Variants in NAALADL2 observed in about 807,000 individuals in gnomAD.
NAALADL2 encodes the protein inactive N-acetylated-alpha-linked acidic dipeptidase-like protein 2.
A neutral mutation model predicts 87.2 loss-of-function variants in NAALADL2; 76 were observed. The observed-to-expected ratio is 0.87, with a 90% CI of 0.72 to 1.05. NAALADL2 has a LOEUF of 1.05. NAALADL2 is among the 50% of genes least tolerant of loss of function. The pLI, the probability that NAALADL2 is intolerant of heterozygous loss-of-function variation, is 0.00. For missense variants in NAALADL2, 1,089 were observed against 945.8 expected, an observed-to-expected ratio of 1.15 and a Z score of -1.99; for synonymous variants, 354 against 331.0, an observed-to-expected ratio of 1.07 and a Z score of -0.75.
chr3:174,471,321 T>A (rs1028293541), intron 1 of NAALADL2, among the ~76,000 whole-genome samples: 23 of 152,244 alleles, frequency 1.5e-4, no homozygotes, highest in African/African-American at 5.3e-4. Context: ...GTATGCAGTT[T>A]GTAAGCCTAT....
intron 13 of NAALADL2, among the ~76,000 whole-genome samples, chr3:175,762,603 T>G (rs62286126): frequency 0.1 from 15,302 of 152,140 alleles, 831 homozygotes; most frequent in African/African-American, 0.14. Flanking sequence ...GAGACATATT[T>G]AAAAATTAAG....
chr3:175,570,599 G>T (rs1717911583), intron 9 of NAALADL2, among the ~76,000 whole-genome samples: 1 of 151,962 alleles, frequency 6.6e-6, no homozygotes, highest in Admixed American at 6.6e-5. Flanking sequence ...ACTTAATTTT[G>T]GCTGGGCGAG....
intron 11 of NAALADL2, among the ~76,000 whole-genome samples, chr3:175,652,879 G>A (rs1474425208): frequency 1.3e-5 from 2 of 152,094 alleles, no homozygotes; most frequent in African/African-American, 4.8e-5. Flanking sequence ...TCATGGGGTT[G>A]AAAATGCACA....
At chr3:174,929,592 T>G (rs1370819792) in intron 1 of NAALADL2, among the ~76,000 whole-genome samples, 1 of 151,892 alleles carries the variant, frequency 6.6e-6, no homozygotes, top group Non-Finnish European at 1.5e-5. Flanking sequence ...TTATGAAAAT[T>G]TATTTTATTT....
At chr3:174,999,699 G>C (rs73048956) in intron 1 of NAALADL2, among the ~76,000 whole-genome samples, 8,118 of 152,224 alleles carry the variant, frequency 0.053, 708 homozygotes, top group African/African-American at 0.18. Flanking sequence ...AGTAGCATTG[G>C]CTAATTAACT....
intron 1 of NAALADL2, among the ~76,000 whole-genome samples, chr3:174,886,070 C>T (rs1371083893): frequency 7.3e-5 from 11 of 151,586 alleles, no homozygotes; most frequent in South Asian, 4.2e-4. Context: ...CCTGCCACCA[C>T]GCCCAGCTAA....
At chr3:175,573,583 A>T (rs1039379469) in intron 9 of NAALADL2, among the ~76,000 whole-genome samples, 2 of 152,216 alleles carry the variant, frequency 1.3e-5, no homozygotes, top group African/African-American at 2.4e-5. Flanking sequence ...ACAAAAACCT[A>T]GCTAAACAAA....
chr3:175,018,555 T>A (rs1443700123), intron 1 of NAALADL2, among the ~76,000 whole-genome samples: 1 of 152,064 alleles, frequency 6.6e-6, no homozygotes, highest in African/African-American at 2.4e-5. Context: ...GATGACCAAC[T>A]GAAAATGAGG....
Position 175,017,057 on chromosome 3 carries a change from G to T in NAALADL2, c.44-79733G>T, listed in dbSNP as rs542267447. Among the ~76,000 whole-genome samples the T allele has an allele frequency of 5.3e-5, 8 of 151,970 alleles. No individual in the cohort carries two copies. In the South Asian group the frequency reaches 1.7e-3, roughly 32 times the overall value. On this transcript the variant is annotated intron_variant, in intron 1 of 13. Transcript: ENST00000454872. ...TTTTGTACCAATTAATCATCTACTT[G>T]CTTAGAGTATTTTAGTTGACAATGC...
At chr3:175,540,771 G>C (rs1435830779) in intron 9 of NAALADL2, among the ~76,000 whole-genome samples, 1 of 152,094 alleles carries the variant, frequency 6.6e-6, no homozygotes, top group Middle Eastern at 3.2e-3. Flanking sequence ...TCTGGACTGA[G>C]AAACAGGATA....
intron 1 of NAALADL2, among the ~76,000 whole-genome samples, chr3:174,934,309 G>A (rs1737348801): frequency 6.6e-6 from 1 of 152,096 alleles, no homozygotes; most frequent in Non-Finnish European, 1.5e-5. Flanking sequence ...CATGTCAAAT[G>A]AGCAAAGAAG....
rs945848073 is a variant in NAALADL2 at position 174,904,990 on chromosome 3, G to A, written c.43+45540G>A. Among the ~76,000 whole-genome samples the A allele has an allele frequency of 4.4e-4, 67 of 151,704 alleles. 1 individual carries two copies. Among genetic ancestry groups the A allele is most frequent in the African/African-American group, 1.6e-3 (65 of 41,306 alleles). On this transcript the variant is annotated intron_variant, in intron 1 of 13. Coordinates refer to ENST00000454872, the MANE Select transcript of NAALADL2 (RefSeq NM_207015.3). Reference sequence around the variant, plus strand: ...ATCTTTCTTATGGGATTGCTGTATTGTTATTTTTAAAGCTGTCACATAATT... The same window carrying A: ...ATCTTTCTTATGGGATTGCTGTATTATTATTTTTAAAGCTGTCACATAATT...
intron 2 of NAALADL2, among the ~76,000 whole-genome samples, chr3:175,160,429 C>T (rs1454631636): frequency 1.0e-4 from 11 of 106,346 alleles, no homozygotes; most frequent in East Asian, 6.4e-4. Flanking sequence ...TGGAGTGCTC[C>T]GCAACCTCCA....
intron 2 of NAALADL2, among the ~76,000 whole-genome samples, chr3:175,194,480 A>G (rs1560146047): frequency 6.6e-6 from 1 of 151,912 alleles, no homozygotes; most frequent in Non-Finnish European, 1.5e-5. Flanking sequence ...GCAATCTGTC[A>G]CATCAATTTT....
intron 2 of NAALADL2, among the ~76,000 whole-genome samples, chr3:175,180,697 T>TCAC (rs1414277673): frequency 6.6e-6 from 1 of 150,904 alleles, no homozygotes; most frequent in Non-Finnish European, 1.5e-5. Context: ...ATTATCATAA[T>TCAC]CATAAATATC....
At chr3:175,629,313 C>T (rs946028391) in intron 11 of NAALADL2, among the ~76,000 whole-genome samples, 15 of 148,496 alleles carry the variant, frequency 1.0e-4, no homozygotes, top group African/African-American at 3.4e-4. Context: ...TAGACACACA[C>T]ATAAACATTC....
chr3:175,329,931 A>G (rs1444467068), intron 5 of NAALADL2, among the ~76,000 whole-genome samples: 2 of 152,198 alleles, frequency 1.3e-5, no homozygotes, highest in African/African-American at 4.8e-5. Context: ...TGATTGTTTG[A>G]ATGTCTAGGA....
chr3:175,339,428 A>G (rs57708737), intron 5 of NAALADL2, among the ~76,000 whole-genome samples: 140 of 152,322 alleles, frequency 9.2e-4, no homozygotes, highest in African/African-American at 3.2e-3. Flanking sequence ...GGGATCTTAG[A>G]GGTTATAAAT....
At chr3:174,699,140 T>C (rs1216687035) in intron 2 of NAALADL2, among the ~76,000 whole-genome samples, 2 of 152,150 alleles carry the variant, frequency 1.3e-5, no homozygotes, top group Non-Finnish European at 2.9e-5. Flanking sequence ...TCACATTTAC[T>C]TCCTTTGTAA....
Sources: gnomAD v4.1 joint callset for allele counts (sites outside exome capture counted in the v4.1 genomes callset) on GRCh38, gnomAD v4.1.1 for gene constraint, MANE v1.5 for transcripts, NCBI Gene and HGNC (gene_info 2026-07-23, HGNC 2026-07-21) for gene names.